The following MANEA variants were observed in gnomAD, a reference collection of about 807,000 sequenced individuals.
MANEA encodes the protein mannosidase endo-alpha.
Under a neutral mutation model 36.8 loss-of-function variants are expected in MANEA, and 25 were observed. That is an observed-to-expected ratio of 0.68 (90% confidence interval 0.50 to 0.95). MANEA has a LOEUF of 0.95. Among genes scored for constraint, MANEA ranks in the 40% least tolerant of loss-of-function variants. The pLI is 0.00. For missense variants in MANEA, 565 were observed against 558.8 expected (o/e 1.01, Z -0.11); for synonymous variants, 198 against 188.5 (o/e 1.05, Z -0.41).
intron 1 of MANEA, among the ~76,000 whole-genome samples, chr6:95,579,088 C>T (rs542141480): frequency 2.6e-5 from 4 of 152,100 alleles, no homozygotes; most frequent in African/African-American, 7.2e-5. Context: ...AAAAATTCTG[C>T]GGCCTGGCGC....
intron 1 of MANEA, among the ~76,000 whole-genome samples, chr6:95,584,480 C>A (rs376338401): frequency 5.9e-5 from 9 of 152,110 alleles, no homozygotes; most frequent in African/African-American, 2.2e-4. Flanking sequence ...CCTCCAGTAC[C>A]CCACCCTGGT....
At chr6:95,596,885 C>A (rs1769493219) in intron 3 of MANEA, 39 bp downstream of exon 3, 1 of 1,041,918 alleles carries the variant, frequency 9.6e-7, no homozygotes, top group South Asian at 1.4e-5. Flanking sequence ...TAAGTTAATT[C>A]TTTTGGACAA....
intron 2 of MANEA, among the ~76,000 whole-genome samples, chr6:95,593,357 A>G (rs1226639546): frequency 6.6e-6 from 1 of 152,228 alleles, no homozygotes; most frequent in Non-Finnish European, 1.5e-5. Flanking sequence ...AAGAAGCTGA[A>G]ATATAACAAC....
intron 1 of MANEA, among the ~76,000 whole-genome samples, chr6:95,580,328 T>A (rs1298585519): frequency 1.3e-5 from 2 of 152,142 alleles, no homozygotes; most frequent in Non-Finnish European, 2.9e-5. Flanking sequence ...AAAGATATGT[T>A]ATGCTCTACT....
intron 1 of MANEA, among the ~76,000 whole-genome samples, chr6:95,579,161 G>A (rs1361302096): frequency 1.3e-5 from 2 of 152,178 alleles, no homozygotes; most frequent in Non-Finnish European, 2.9e-5. Context: ...ATGAGGTCAA[G>A]AGATCGAGAC....
chr6:95,581,293 G>A (rs1192080350), intron 1 of MANEA, among the ~76,000 whole-genome samples: 1 of 152,100 alleles, frequency 6.6e-6, no homozygotes, highest in Non-Finnish European at 1.5e-5. Flanking sequence ...TTGAGCTTGT[G>A]TGTCATCTAT....
At position 95,584,625 on chromosome 6, in the gene MANEA, C is replaced by G. The variant is rs566290064; in HGVS notation, c.-38-1777C>G. Among the ~76,000 whole-genome samples the G allele has an allele frequency of 1.3e-4, 20 of 152,302 alleles. No individual in the cohort carries two copies. In the Middle Eastern group the frequency reaches 0.01, roughly 78 times the overall value. On this transcript the variant is annotated intron_variant, in intron 1 of 4. Coordinates refer to ENST00000358812, the MANE Select transcript of MANEA (RefSeq NM_024641.4). ...TGTTTTGCCTTTTCTCCTGTTTCCCCAGAAGCATGTGATCTTTGTTCTCCT... is the reference window on the plus strand; with the variant it reads ...TGTTTTGCCTTTTCTCCTGTTTCCCGAGAAGCATGTGATCTTTGTTCTCCT...
chr6:95,605,458 G>C (rs1020877884), intron 4 of MANEA, among the ~76,000 whole-genome samples: 15 of 152,092 alleles, frequency 9.9e-5, no homozygotes, highest in African/African-American at 3.4e-4. Flanking sequence ...GTATTATGTA[G>C]AGTATTATTT....
Position 95,586,507 on chromosome 6 carries a change from T to C in MANEA, c.68T>C (p.Met23Thr). Residue 23 changes from methionine to threonine, a missense_variant, in exon 2 of 5, where the codon ATG becomes ACG. By Grantham distance (81) the Met-to-Thr change is moderately conservative. Transcript: ENST00000358812. ...TTTATTCTATTTATTTTCTCTCTGA[T>C]GATGGGTTTAAAAATGCTGAGACCA... Reference protein sequence around the residue: ...ALFILFIFSLMMGLKMLRPNT... With the variant: ...ALFILFIFSLTMGLKMLRPNT... The C allele has an allele frequency of 1.9e-6, 3 of 1,614,002 alleles. No individual in the cohort carries two copies. Among genetic ancestry groups the C allele is most frequent in the African/African-American group, 1.3e-5 (1 of 75,050 alleles).
At chr6:95,589,732 T>A (rs972784804) in intron 2 of MANEA, among the ~76,000 whole-genome samples, 1 of 152,220 alleles carries the variant, frequency 6.6e-6, no homozygotes, top group East Asian at 1.9e-4. Context: ...TTACTAAAAC[T>A]TTAGTAGACT....
intron 1 of MANEA, among the ~76,000 whole-genome samples, chr6:95,583,803 C>A (rs1031791631): frequency 6.6e-6 from 1 of 152,070 alleles, no homozygotes; most frequent in African/African-American, 2.4e-5. Flanking sequence ...TTATACTATT[C>A]TTTTATGTTA....
intron 3 of MANEA, among the ~76,000 whole-genome samples, chr6:95,601,847 T>G (rs1769599921): frequency 6.6e-6 from 1 of 151,866 alleles, no homozygotes. Flanking sequence ...CTTTCTACTT[T>G]ATGCAGAAAT....
Position 95,606,167 on chromosome 6 carries a change from T to C in MANEA, c.1151T>C (p.Ile384Thr), listed in dbSNP as rs113469629. The change falls in exon 5 of 5, where the codon ATT (isoleucine) becomes ACT (threonine). Residue 384 changes from isoleucine (I) to threonine (T), a missense_variant. Coordinates refer to ENST00000358812, the MANE Select transcript of MANEA (RefSeq NM_024641.4). The stretch of plus-strand genomic sequence containing the variant: ...CGAATCAATGGGAAGTATTATGAAA[T>C]TGGTCTGAGTGCCGCACTTCAGACA... ...RNRINGKYYE[I>T]GLSAALQTRP... 1,096 of 1,614,044 alleles carry C rather than the reference T, an allele frequency of 6.8e-4. 2 individuals carry two copies. The highest frequency in any genetic ancestry group is 6.9e-4 in the Non-Finnish European group (811 of 1,179,976).
In MANEA at chr6:95,605,790, T is replaced by G; in HGVS notation, c.774T>G (p.Thr258=). The change falls in exon 5 of 5, where the codon ACT becomes ACG. Residue 258 remains threonine, a synonymous_variant. Coordinates refer to ENST00000358812, the MANE Select transcript of MANEA (RefSeq NM_024641.4). ...CCTTTTACAGGTACAAGACGAAGACTGGCAATGCTCTTCCTATGTTTTATG... is the reference window on the plus strand; with the variant it reads ...CCTTTTACAGGTACAAGACGAAGACGGGCAATGCTCTTCCTATGTTTTATG... ...HPAFYRYKTK[T]GNALPMFYVY... 1 of 1,613,582 alleles carries G rather than the reference T, an allele frequency of 6.2e-7. No homozygotes were observed. Among genetic ancestry groups the G allele is most frequent in the Non-Finnish European group, 8.5e-7 (1 of 1,179,608 alleles).
At chr6:95,579,049 A>C (rs2127936302) in intron 1 of MANEA, among the ~76,000 whole-genome samples, 1 of 152,254 alleles carries the variant, frequency 6.6e-6, no homozygotes, top group South Asian at 2.1e-4. Context: ...CCAACTGCTC[A>C]GCTTCATCAT....
chr6:95,579,653 G>A (rs1769143702), intron 1 of MANEA, among the ~76,000 whole-genome samples: 1 of 152,126 alleles, frequency 6.6e-6, no homozygotes, highest in African/African-American at 2.4e-5. Flanking sequence ...TGGCTTTTGT[G>A]AGTTACATGA....
At position 95,586,851 on chromosome 6, in the gene MANEA, A is replaced by G. The variant is rs372675670; in HGVS notation, c.412A>G (p.Asn138Asp). 2 of 1,613,766 alleles carry G rather than the reference A, an allele frequency of 1.2e-6. No individual in the cohort carries two copies. The highest frequency in any genetic ancestry group is 2.7e-5 in the African/African-American group (2 of 74,912). The change falls in exon 2 of 5, where the codon AAT (asparagine) becomes GAT (aspartate). Residue 138 changes from asparagine (N) to aspartate (D), a missense_variant. By Grantham distance (23) the Asn-to-Asp change is conservative. Transcript: ENST00000358812. Reference protein sequence around the residue: ...LEHWDPRIAKNYPQGRHNPPD... With the variant: ...LEHWDPRIAKDYPQGRHNPPD... ...GCATTGGGACCCTAGAATAGCCAAG[A>G]ATTATCCACAAGGGAGACACAACCC... is the stretch of plus-strand genomic sequence containing the variant.
intron 3 of MANEA, among the ~76,000 whole-genome samples, chr6:95,597,392 T>C (rs951372703): frequency 2.0e-5 from 3 of 152,032 alleles, no homozygotes; most frequent in African/African-American, 7.2e-5. Context: ...CTTTTAGAAA[T>C]TAATGAATCA....
intron 2 of MANEA, among the ~76,000 whole-genome samples, chr6:95,593,658 AGATATG>A (rs1425681623): frequency 6.6e-6 from 1 of 152,202 alleles, no homozygotes; most frequent in Non-Finnish European, 1.5e-5. Flanking sequence ...TTTATATGGT[AGATATG>A]GGTATTATTT....
Sources: allele counts gnomAD v4.1 joint callset (sites outside exome capture counted in the v4.1 genomes callset), GRCh38; gene constraint gnomAD v4.1.1; transcripts MANE v1.5; gene names NCBI Gene and HGNC (gene_info 2026-07-23, HGNC 2026-07-21).